Variants in CCSER1 observed in about 807,000 individuals in gnomAD.
CCSER1 encodes the protein serine-rich coiled-coil domain-containing protein 1.
A neutral mutation model predicts 82.0 loss-of-function variants in CCSER1; 41 were observed. The ratio of observed to expected loss-of-function variants is 0.50; its 90% CI spans 0.39 to 0.65. The LOEUF is 0.65. Among genes scored for constraint, CCSER1 ranks in the 30% least tolerant of loss-of-function variants. The pLI, the probability that CCSER1 is intolerant of heterozygous loss-of-function variation, is 0.00. For missense variants in CCSER1, 1,119 were observed against 1,064.2 expected (o/e 1.05, Z -0.72); for synonymous variants, 414 against 383.9 (o/e 1.08, Z -0.92).
At chr4:90,264,078 A>G (rs781107016) in intron 1 of CCSER1, among the ~76,000 whole-genome samples, 1 of 152,188 alleles carries the variant, frequency 6.6e-6, no homozygotes, top group Non-Finnish European at 1.5e-5. Flanking sequence ...CACCATAGTA[A>G]AGAGGACCTC....
chr4:91,382,160 G>T (rs369960625), intron 10 of CCSER1, among the ~76,000 whole-genome samples: 14 of 152,182 alleles, frequency 9.2e-5, no homozygotes, highest in African/African-American at 1.9e-4. Context: ...GTGTCAGTCT[G>T]CCTCTACTGG....
At chr4:90,675,210 G>A (rs1733608020) in intron 6 of CCSER1, among the ~76,000 whole-genome samples, 2 of 151,934 alleles carry the variant, frequency 1.3e-5, no homozygotes, top group South Asian at 2.1e-4. Flanking sequence ...TGAAAGAGAA[G>A]ATCTGTCAAA....
In CCSER1 at chr4:90,168,930, T is replaced by C. The variant is rs374922620; in HGVS notation, c.-42+41099T>C. Among the ~76,000 whole-genome samples the C allele has an allele frequency of 6.6e-4, 100 of 151,734 alleles. 3 individuals carry two copies. In the East Asian group the frequency reaches 0.011, roughly 17 times the overall value. ...AGCGTGATGCCTCCAGCTTTATTCT[T>C]TTGGCTTAGGATTGACGTGGTGATG... On this transcript the variant is annotated intron_variant, in intron 1 of 10. Transcript: ENST00000509176.
Position 90,664,769 on chromosome 4 carries a change from A to G in CCSER1, c.1932+36537A>G, listed in dbSNP as rs776797633. Among the ~76,000 whole-genome samples, 13 of 152,224 alleles carry G rather than the reference A, an allele frequency of 8.5e-5. No individual in the cohort carries two copies. In the East Asian group the frequency reaches 1.4e-3, roughly 16 times the overall value. On this transcript the variant is annotated intron_variant, in intron 6 of 10. Transcript: ENST00000509176. The stretch of plus-strand genomic sequence containing the variant: ...CACAAAATTAGCCTGGAATGGTGGC[A>G]CATGCCTGTAATCCCAGTGACTCGG...
intron 10 of CCSER1, among the ~76,000 whole-genome samples, chr4:91,186,561 G>C (rs528547196): frequency 6.0e-4 from 92 of 152,246 alleles, no homozygotes; most frequent in Middle Eastern, 3.4e-3. Flanking sequence ...CGGCGCTAGA[G>C]GAATTAAAGA....
intron 1 of CCSER1, among the ~76,000 whole-genome samples, chr4:90,221,241 T>A (rs1166641432): frequency 6.6e-6 from 1 of 152,106 alleles, no homozygotes; most frequent in Admixed American, 6.6e-5. Context: ...TTGGGAACAT[T>A]GTGGAGAGAG....
chr4:91,153,212 G>A (rs1442821657), intron 10 of CCSER1, among the ~76,000 whole-genome samples: 2 of 151,668 alleles, frequency 1.3e-5, no homozygotes. Flanking sequence ...TTCATTTCTT[G>A]TTACTGTTTT....
intron 1 of CCSER1, among the ~76,000 whole-genome samples, chr4:90,160,704 A>G (rs1729279351): frequency 1.3e-5 from 2 of 152,180 alleles, no homozygotes; most frequent in South Asian, 4.1e-4. Flanking sequence ...CATGAGGTAG[A>G]TAAACTATGC....
chr4:90,498,635 T>G (rs969146632), intron 5 of CCSER1, among the ~76,000 whole-genome samples: 1 of 152,182 alleles, frequency 6.6e-6, no homozygotes, highest in African/African-American at 2.4e-5. Context: ...TTTAATATTA[T>G]TTCAGTGAAG....
At chr4:90,287,871 A>G (rs570385248) in intron 1 of CCSER1, among the ~76,000 whole-genome samples, 1 of 151,826 alleles carries the variant, frequency 6.6e-6, no homozygotes, top group South Asian at 2.1e-4. Flanking sequence ...TTCCATTGTG[A>G]TTGTGATTTT....
At chr4:90,816,594 TAAG>T (rs937085391) in intron 8 of CCSER1, among the ~76,000 whole-genome samples, 20 of 152,046 alleles carry the variant, frequency 1.3e-4, no homozygotes, top group African/African-American at 2.4e-4. Flanking sequence ...TAGAAAGAAA[TAAG>T]AAGAGATATT....
intron 7 of CCSER1, among the ~76,000 whole-genome samples, chr4:90,747,986 A>AT (rs1163665855): frequency 6.7e-6 from 1 of 148,850 alleles, no homozygotes; most frequent in Non-Finnish European, 1.5e-5. Flanking sequence ...TGAACTCATC[A>AT]TTTTTTTATG....
chr4:90,710,785 T>G (rs1471412931), intron 6 of CCSER1, among the ~76,000 whole-genome samples: 1 of 152,164 alleles, frequency 6.6e-6, no homozygotes, highest in Non-Finnish European at 1.5e-5. Context: ...CTTTGTTCTT[T>G]TTGCTTAGGA....
chr4:91,213,225 A>T (rs543189090), intron 10 of CCSER1, among the ~76,000 whole-genome samples: 199 of 152,064 alleles, frequency 1.3e-3, no homozygotes, highest in Non-Finnish European at 2.4e-3. Flanking sequence ...GTAATGTCTC[A>T]ACTTTTGATA....
intron 5 of CCSER1, among the ~76,000 whole-genome samples, chr4:90,565,895 C>G (rs1422349658): frequency 1.2e-4 from 18 of 148,254 alleles, no homozygotes; most frequent in South Asian, 2.1e-4. Flanking sequence ...CAGTCTTGCT[C>G]TATCACCCAG....
intron 10 of CCSER1, among the ~76,000 whole-genome samples, chr4:91,515,449 C>T (rs1024982410): frequency 6.6e-6 from 1 of 152,108 alleles, no homozygotes; most frequent in Non-Finnish European, 1.5e-5. Context: ...ATAAGGACAA[C>T]AGGCAGTATT....
intron 3 of CCSER1, among the ~76,000 whole-genome samples, chr4:90,396,997 G>T (rs1267394393): frequency 6.6e-6 from 1 of 152,082 alleles, no homozygotes; most frequent in African/African-American, 2.4e-5. Context: ...TTTAGGGAGA[G>T]ATCTGGAAAA....
intron 10 of CCSER1, among the ~76,000 whole-genome samples, chr4:91,342,440 A>T (rs939619462): frequency 6.6e-6 from 1 of 152,308 alleles, no homozygotes; most frequent in South Asian, 2.1e-4. Context: ...TTGGAAAGTC[A>T]CAAAAATATA....
intron 10 of CCSER1, chr4:91,319,039 G>C (rs1295963840): frequency 1.5e-5 from 3 of 198,878 alleles, no homozygotes; most frequent in Admixed American, 1.2e-4. Context: ...ATAACTTTAG[G>C]TTCCTCCAGT....
Sources: allele counts gnomAD v4.1 joint callset (sites outside exome capture counted in the v4.1 genomes callset), GRCh38; gene constraint gnomAD v4.1.1; transcripts MANE v1.5; gene names NCBI Gene and HGNC (gene_info 2026-07-23, HGNC 2026-07-21).